PRR33: variants seen among roughly 807,000 people sequenced by gnomAD.
PRR33 encodes proline rich 33, also known as proline-rich protein 33.
In PRR33, 1 loss-of-function variant was observed where a neutral mutation model predicts 0.5. That is an observed-to-expected ratio of 2.18 (90% confidence interval 0.77 to 10.34). PRR33 has a LOEUF of 10.34. Among genes scored for constraint, PRR33 ranks in the 30% most tolerant of loss-of-function variants. The pLI is 0.13. For synonymous variants in PRR33, 226 were observed against 110.0 expected (o/e 2.06, Z -6.60); for missense variants, 552 against 251.8 (o/e 2.19, Z -8.07).
At chr11:1,914,639 C>G in the PRR33 span, among the ~76,000 whole-genome samples, 4 of 125,268 alleles carry the variant, frequency 3.2e-5, no homozygotes, top group South Asian at 2.7e-4. Flanking sequence ...GGATGATGCT[C>G]TGTGTGTGTT....
At chr11:1,910,581 TTATAAG>T in the PRR33 span, among the ~76,000 whole-genome samples, 2 of 152,120 alleles carry the variant, frequency 1.3e-5, no homozygotes, top group African/African-American at 2.4e-5. Context: ...CCTTTTAACT[TTATAAG>T]TAATCAATCA....
chr11:1,914,784 TGTG>T, the PRR33 span, among the ~76,000 whole-genome samples: 2 of 143,504 alleles, frequency 1.4e-5, no homozygotes, highest in Non-Finnish European at 3.0e-5. Flanking sequence ...GTGTGTGGGT[TGTG>T]GGGTGTACAC....
chr11:1,915,227 C>T, the PRR33 span, among the ~76,000 whole-genome samples: 3 of 138,372 alleles, frequency 2.2e-5, no homozygotes, highest in African/African-American at 8.3e-5. Flanking sequence ...GTGGGGTGTA[C>T]ACACTTAGGG....
At chr11:1,915,613 G>A in the PRR33 span, among the ~76,000 whole-genome samples, 7 of 64,268 alleles carry the variant, frequency 1.1e-4, no homozygotes, top group East Asian at 1.4e-3. Flanking sequence ...GTGTGTGTGC[G>A]GGGTGATGTT....
chr11:1,910,626 C>G, the PRR33 span, among the ~76,000 whole-genome samples: 2 of 152,182 alleles, frequency 1.3e-5, no homozygotes, highest in African/African-American at 2.4e-5. Flanking sequence ...AACATTCTGA[C>G]CCCCGTTAAC....
chr11:1,899,554 G>A, the PRR33 span, among the ~76,000 whole-genome samples: 6 of 152,138 alleles, frequency 3.9e-5, no homozygotes, highest in African/African-American at 7.2e-5. Flanking sequence ...GTTCTATATA[G>A]GACTTCCAGG....
the PRR33 span, chr11:1,903,291 T>C: frequency 2.2e-5 from 3 of 133,444 alleles, no homozygotes; most frequent in East Asian, 2.6e-4. Context: ...TTTTTTTTTT[T>C]CCGTAGAGAT....
At chr11:1,893,033 G>A (rs1265778621), upstream of PRR33, among the ~76,000 whole-genome samples, 1 of 146,280 alleles carries the variant, frequency 6.8e-6, no homozygotes, top group African/African-American at 2.5e-5. Flanking sequence ...ATGAGTGGAC[G>A]GATAAGCAGG....
chr11:1,889,247 C>T (rs764352352), exon 1 of PRR33: 2 of 674,088 alleles, frequency 3.0e-6, no homozygotes, highest in East Asian at 2.7e-5. Context: ...TGGCCTCCTG[C>T]AGCTTCCGGG....
chr11:1,901,101 G>A, the PRR33 span, among the ~76,000 whole-genome samples: 4 of 152,194 alleles, frequency 2.6e-5, no homozygotes, highest in African/African-American at 9.7e-5. Flanking sequence ...CACAAGGTCA[G>A]GAGTTCCAGA....
the PRR33 span, among the ~76,000 whole-genome samples, chr11:1,899,861 C>T: frequency 9.2e-5 from 14 of 152,202 alleles, no homozygotes; most frequent in East Asian, 2.3e-3. Context: ...AGAAAACACG[C>T]ATTGAAAATG....
exon 1 of PRR33, chr11:1,889,741 G>A: frequency 1.5e-6 from 1 of 657,110 alleles, no homozygotes; most frequent in Non-Finnish European, 2.8e-6. Context: ...ACCAGGCTGT[G>A]CGGTGAGGAC....
exon 1 of PRR33, chr11:1,889,003 G>T: frequency 1.8e-6 from 1 of 551,356 alleles, no homozygotes; most frequent in South Asian, 2.3e-5. Context: ...CACCCCATGT[G>T]CCCTTCCCAG....
the PRR33 span, among the ~76,000 whole-genome samples, chr11:1,902,267 C>CA: frequency 6.6e-6 from 1 of 151,772 alleles, no homozygotes; most frequent in Non-Finnish European, 1.5e-5. Context: ...ACTTTCACAC[C>CA]AACCTGTGGA....
upstream of PRR33, among the ~76,000 whole-genome samples, chr11:1,894,584 C>T (rs371677563): frequency 6.6e-5 from 10 of 152,252 alleles, no homozygotes; most frequent in East Asian, 5.8e-4. Context: ...GCAGCACGCA[C>T]GCACTCCTTG....
the PRR33 span, among the ~76,000 whole-genome samples, chr11:1,908,180 G>A: frequency 5.6e-4 from 85 of 152,314 alleles, no homozygotes; most frequent in East Asian, 0.011. Context: ...TGGTCTGCGG[G>A]GAGCTCTAAA....
At chr11:1,907,102 T>C in the PRR33 span, among the ~76,000 whole-genome samples, 1 of 152,228 alleles carries the variant, frequency 6.6e-6, no homozygotes, top group Non-Finnish European at 1.5e-5. Context: ...AGAGCCATTG[T>C]GTTGTGTATT....
At chr11:1,915,672 G>T in the PRR33 span, among the ~76,000 whole-genome samples, 1 of 590 alleles carries the variant, frequency 1.7e-3, no homozygotes, top group Non-Finnish European at 2.8e-3. Flanking sequence ...TGTGTTTTGG[G>T]GGGGTGATGT....
At chr11:1,909,070 C>A in the PRR33 span, among the ~76,000 whole-genome samples, 3 of 152,246 alleles carry the variant, frequency 2.0e-5, no homozygotes, top group Admixed American at 6.5e-5. Context: ...CCCCCATCTA[C>A]CCAGCCCCCA....
Sources: allele counts gnomAD v4.1 joint callset (sites outside exome capture counted in the v4.1 genomes callset), GRCh38; gene constraint gnomAD v4.1.1; transcripts MANE v1.5; gene names NCBI Gene and HGNC (gene_info 2026-07-23, HGNC 2026-07-21).